TOMM20L: variants seen among roughly 807,000 people sequenced by gnomAD.
The protein encoded by TOMM20L is translocase of outer mitochondrial membrane 20 like, also known as TOMM20-like protein 1.
TOMM20L carries 19 observed loss-of-function variants against 20.4 expected under a neutral mutation model. That is an observed-to-expected ratio of 0.93 (90% CI 0.65 to 1.36). The LOEUF (loss-of-function observed/expected upper bound fraction) is 1.36, where lower values mean the gene tolerates loss of function less well. Ranked by LOEUF, TOMM20L falls within the 40% of genes most tolerant of loss-of-function variation. TOMM20L has a pLI of 0.00. For synonymous variants in TOMM20L, 75 were observed against 79.6 expected (o/e 0.94, Z 0.30); for missense variants, 218 against 203.7 (o/e 1.07, Z -0.43).
chr14:58,408,596 G>A lies in TOMM20L; in HGVS notation c.*14G>A, dbSNP rs201607002. Reference sequence around the variant, plus strand: ...GATCCTGATTGAAAAACATTTCAACGTATCCACAGTCCAGTGAGAATACTA... The same window carrying A: ...GATCCTGATTGAAAAACATTTCAACATATCCACAGTCCAGTGAGAATACTA... On this transcript the variant is annotated 3_prime_UTR_variant, in exon 5 of 5. Coordinates refer to ENST00000360945, the MANE Select transcript of TOMM20L (RefSeq NM_207377.3). The A allele has an allele frequency of 2.0e-5, 33 of 1,611,684 alleles. No homozygotes were observed. Among genetic ancestry groups the A allele is most frequent in the African/African-American group, 5.3e-5 (4 of 74,930 alleles).
At chr14:58,410,875 C>T (rs768719014), downstream of TOMM20L, 1 of 1,612,888 alleles carries the variant, frequency 6.2e-7, no homozygotes, top group East Asian at 2.2e-5. Flanking sequence ...GTTGTGAAGT[C>T]TTTAACACAG....
chr14:58,396,481 G>A (rs751072957), intron 2 of TOMM20L, 140 bp downstream of exon 2: 27 of 820,138 alleles, frequency 3.3e-5, no homozygotes, highest in Non-Finnish European at 5.2e-5. Flanking sequence ...GCCCTCGCGC[G>A]CCACGCACCG....
rs780649021 is a variant in TOMM20L at position 58,396,043 on chromosome 14, T to C, written c.86T>C (p.Leu29Pro). ...AFAFLGYCIY[L>P]NRKRRGDPAF... is the part of the protein sequence containing the mutation. ...GCCTTCCTGGGCTATTGTATTTACC[T>C]CAACCGGAAGCGGCGCGGGGACCCC... The change falls in exon 1 of 5, where the codon CTC (leucine) becomes CCC (proline). Residue 29 changes from leucine (L) to proline (P), a missense_variant. By Grantham distance (98) the Leu-to-Pro change is moderately conservative (BLOSUM62 -3). Transcript: ENST00000360945. The C allele has an allele frequency of 2.8e-6, 4 of 1,427,598 alleles. No homozygotes were observed. In the African/African-American group the frequency reaches 5.9e-5, roughly 21 times the overall value. 88.4% of individuals were successfully genotyped at this position (1,427,598 alleles called of 1,614,324 possible). A position where few individuals can be genotyped will look rare whatever the true frequency, so the allele number is the denominator to read the frequency against.
At chr14:58,410,531 G>C (rs1300072410), downstream of TOMM20L, among the ~76,000 whole-genome samples, 1 of 152,194 alleles carries the variant, frequency 6.6e-6, no homozygotes, top group Non-Finnish European at 1.5e-5. Context: ...GAAAGGCTGT[G>C]CCAAGTTTCT....
downstream of TOMM20L, among the ~76,000 whole-genome samples, chr14:58,409,860 G>A (rs1057428153): frequency 6.6e-6 from 1 of 152,076 alleles, no homozygotes; most frequent in African/African-American, 2.4e-5. Flanking sequence ...TTCCAGGCGT[G>A]AGCCACCGCG....
rs1386975197 is a variant in TOMM20L, at chr14:58,396,087, C to A, written c.130C>A (p.Arg44=). 1 of 1,386,166 alleles carries A rather than the reference C, an allele frequency of 7.2e-7. No individual in the cohort carries two copies. Among genetic ancestry groups the A allele is most frequent in the East Asian group, 2.9e-5 (1 of 34,750 alleles). The allele number at this position is 1,386,166 out of a possible 1,614,324, so 85.9% of individuals were successfully genotyped here. A position where few individuals can be genotyped will look rare whatever the true frequency, so the allele number is the denominator to read the frequency against. The change falls in exon 1 of 5, where the codon CGG becomes AGG. Residue 44 remains arginine (R), a synonymous_variant. Transcript: ENST00000360945. The stretch of plus-strand genomic sequence containing the variant: ...GGACCCCGCGTTCAAGCGCCGCCTG[C>A]GGGACAGTGAGTGGGACCGAGGCGG... ...RGDPAFKRRL[R]DKRRAEPQKA...
At chr14:58,409,703 C>G (rs1005320715), downstream of TOMM20L, among the ~76,000 whole-genome samples, 3 of 151,948 alleles carry the variant, frequency 2.0e-5, no homozygotes, top group Non-Finnish European at 4.4e-5. Flanking sequence ...CTCAGCATCC[C>G]GAGTAGCTGG....
rs1367632966 is a variant in TOMM20L at position 58,404,118 on chromosome 14, TA to T, written c.262+1358del. On this transcript the variant is annotated intron_variant, in intron 3 of 4. Transcript: ENST00000360945. Reference sequence around the variant, plus strand: ...ATATATGTATATATATATATATATATATTTTTTTTTTTTTTTTTTTTTTTTT... The same window carrying T: ...ATATATGTATATATATATATATATATTTTTTTTTTTTTTTTTTTTTTTTTT... 2.2e-3 allele frequency among the ~76,000 whole-genome samples: 42 copies of T among 19,050 alleles called. 2 individuals carry two copies. The highest frequency in any genetic ancestry group is 4.7e-3 in the African/African-American group (41 of 8,778). 12.5% of individuals were successfully genotyped at this position (19,050 alleles called of 152,430 possible).
intron 2 of TOMM20L, among the ~76,000 whole-genome samples, chr14:58,401,462 C>T (rs1041408643): frequency 6.6e-6 from 1 of 151,482 alleles, no homozygotes; most frequent in South Asian, 2.1e-4. Context: ...CCCAGCTACT[C>T]GGGAGACTGA....
downstream of TOMM20L, chr14:58,412,023 G>C (rs2036236714): frequency 6.5e-6 from 9 of 1,390,928 alleles, no homozygotes; most frequent in Admixed American, 7.2e-5. Flanking sequence ...AATGTTTTTA[G>C]TCTAACTGAA....
intron 2 of TOMM20L, among the ~76,000 whole-genome samples, chr14:58,397,617 G>T (rs528799379): frequency 6.6e-6 from 1 of 152,312 alleles, no homozygotes; most frequent in East Asian, 1.9e-4. Context: ...TGTGCATAAA[G>T]ATGCAAAGTG....
downstream of TOMM20L, chr14:58,410,898 G>A (rs776411784): frequency 1.2e-6 from 2 of 1,613,560 alleles, no homozygotes; most frequent in Non-Finnish European, 1.7e-6. Context: ...CAAAAAGCAG[G>A]TCTCTGTAAG....
downstream of TOMM20L, chr14:58,408,903 T>G (rs1834647177): frequency 7.3e-7 from 1 of 1,361,640 alleles, no homozygotes; most frequent in African/African-American, 1.5e-5. Context: ...GGTTTCCATT[T>G]GCCAAACAGT....
intron 3 of TOMM20L, among the ~76,000 whole-genome samples, chr14:58,405,046 G>A (rs1949533738): frequency 6.7e-6 from 1 of 149,596 alleles, no homozygotes; most frequent in South Asian, 2.1e-4. Flanking sequence ...TCAGCCCATT[G>A]CAACCTCTGC....
In TOMM20L at chr14:58,408,600, CCA is replaced by C; in HGVS notation, c.*21_*22del. On this transcript the variant is annotated 3_prime_UTR_variant, in exon 5 of 5. Transcript: ENST00000360945. ...CTGATTGAAAAACATTTCAACGTAT[CCA>C]CAGTCCAGTGAGAATACTATGGTAC... 6.2e-7 allele frequency: 1 copy of C among 1,610,908 alleles called. No individual in the cohort carries two copies. Among genetic ancestry groups the C allele is most frequent in the East Asian group, 2.2e-5 (1 of 44,844 alleles).
chr14:58,407,378 G>C lies in TOMM20L; in HGVS notation c.315G>C (p.Glu105Asp), dbSNP rs1228787673. The change falls in exon 4 of 5, where the codon GAG becomes GAC. Residue 105 changes from glutamate (E) to aspartate (D), a missense_variant. Glu to Asp is a conservative substitution (Grantham distance 45, BLOSUM62 2). Transcript: ENST00000360945. ...QHLGNALLVCEQPRELLKVFK... is the reference protein window; with the variant it reads ...QHLGNALLVCDQPRELLKVFK... The stretch of plus-strand genomic sequence containing the variant: ...TCGGCAATGCCCTTTTAGTGTGCGA[G>C]CAACCACGGGAACTTCTGAAAGTTT... 1 of 1,613,552 alleles carries C rather than the reference G, an allele frequency of 6.2e-7. No individual in the cohort carries two copies. Among genetic ancestry groups the C allele is most frequent in the African/African-American group, 1.3e-5 (1 of 74,896 alleles).
At chr14:58,396,792 T>C (rs1013531469) in intron 2 of TOMM20L, among the ~76,000 whole-genome samples, 5 of 152,190 alleles carry the variant, frequency 3.3e-5, no homozygotes, top group African/African-American at 1.2e-4. Flanking sequence ...TTAGTCCCTT[T>C]TTTGTTGTTT....
At chr14:58,398,307 G>C (rs1033312430) in intron 2 of TOMM20L, among the ~76,000 whole-genome samples, 1 of 152,210 alleles carries the variant, frequency 6.6e-6, no homozygotes, top group Non-Finnish European at 1.5e-5. Flanking sequence ...AGTCTAGTGC[G>C]GTAGGTGCCC....
At chr14:58,399,306 A>G (rs2035962284) in intron 2 of TOMM20L, among the ~76,000 whole-genome samples, 1 of 152,140 alleles carries the variant, frequency 6.6e-6, no homozygotes, top group South Asian at 2.1e-4. Flanking sequence ...TTGCTGCATT[A>G]CATTTACCTG....
Sources: allele counts gnomAD v4.1 joint callset (sites outside exome capture counted in the v4.1 genomes callset), GRCh38; gene constraint gnomAD v4.1.1; transcripts MANE v1.5; gene names NCBI Gene and HGNC (gene_info 2026-07-23, HGNC 2026-07-21).